Variants in MTHFD2L observed in about 807,000 individuals in gnomAD.
MTHFD2L encodes the protein bifunctional methylenetetrahydrofolate dehydrogenase/cyclohydrolase 2, mitochondrial.
A neutral mutation model predicts 34.9 loss-of-function variants in MTHFD2L; 29 were observed. The ratio of observed to expected loss-of-function variants is 0.83; its 90% CI spans 0.62 to 1.13. MTHFD2L has a LOEUF of 1.13. MTHFD2L is among the 50% of genes most tolerant of loss of function. The pLI, the probability that MTHFD2L is intolerant of heterozygous loss-of-function variation, is 0.00. For synonymous variants in MTHFD2L, 167 were observed against 155.7 expected, an observed-to-expected ratio of 1.07 and a Z score of -0.54; for missense variants, 481 against 446.5, an observed-to-expected ratio of 1.08 and a Z score of -0.70.
At chr4:74,290,865 A>C (rs980151330) in intron 7 of MTHFD2L, among the ~76,000 whole-genome samples, 1 of 150,196 alleles carries the variant, frequency 6.7e-6, no homozygotes, top group South Asian at 2.1e-4. Flanking sequence ...TCTTCTCCTG[A>C]CTCTCCTTAC....
chr4:74,197,244 C>G (rs759678768), intron 3 of MTHFD2L, among the ~76,000 whole-genome samples: 70 of 152,266 alleles, frequency 4.6e-4, no homozygotes, highest in Middle Eastern at 3.4e-3. Context: ...AAAATTGATG[C>G]TATTAAGTCT....
intron 7 of MTHFD2L, among the ~76,000 whole-genome samples, chr4:74,300,211 T>C (rs183581427): frequency 8.5e-5 from 13 of 152,152 alleles, no homozygotes; most frequent in Admixed American, 6.6e-4. Flanking sequence ...TATATTTTCT[T>C]TATAGCATCC....
At chr4:74,134,082 T>C (rs983904840) in intron 1 of MTHFD2L, among the ~76,000 whole-genome samples, 1 of 152,062 alleles carries the variant, frequency 6.6e-6, no homozygotes, top group Non-Finnish European at 1.5e-5. Context: ...AAACGTGAAA[T>C]TGAGATTGTC....
At chr4:74,183,063 A>G (rs1730488959) in intron 3 of MTHFD2L, 1 of 152,182 alleles carries the variant, frequency 6.6e-6, no homozygotes, top group Admixed American at 6.5e-5. Context: ...AGAACACCAT[A>G]ATCAAATTAT....
At chr4:74,278,873 A>C (rs1747046780) in intron 6 of MTHFD2L, among the ~76,000 whole-genome samples, 7 of 152,108 alleles carry the variant, frequency 4.6e-5, no homozygotes, top group Admixed American at 4.6e-4. Flanking sequence ...TTATTCATTA[A>C]AAATTTGAAC....
upstream of MTHFD2L, among the ~76,000 whole-genome samples, chr4:74,154,315 T>C (rs2109865655): frequency 6.6e-6 from 1 of 152,236 alleles, no homozygotes; most frequent in Non-Finnish European, 1.5e-5. Flanking sequence ...TACTCTCTTT[T>C]CCCATTTTCT....
intron 5 of MTHFD2L, among the ~76,000 whole-genome samples, chr4:74,213,248 G>T (rs565921408): frequency 3.3e-4 from 50 of 152,264 alleles, no homozygotes; most frequent in African/African-American, 9.1e-4. Flanking sequence ...TATGATGCTA[G>T]CTGGTTATTT....
At chr4:74,133,889 A>G (rs1722724492) in intron 1 of MTHFD2L, among the ~76,000 whole-genome samples, 1 of 152,090 alleles carries the variant, frequency 6.6e-6, no homozygotes. Flanking sequence ...CAAGATCTTC[A>G]CCAGCAGCAA....
intron 1 of MTHFD2L, among the ~76,000 whole-genome samples, chr4:74,127,397 C>T (rs1256655485): frequency 6.6e-6 from 1 of 152,078 alleles, no homozygotes; most frequent in African/African-American, 2.4e-5. Flanking sequence ...TCTGTTCTTC[C>T]TCCTCACTTC....
chr4:74,243,696 C>T (rs1742020852), intron 6 of MTHFD2L, among the ~76,000 whole-genome samples: 1 of 151,670 alleles, frequency 6.6e-6, no homozygotes, highest in South Asian at 2.1e-4. Context: ...TTGTTTGGTC[C>T]TTACATCACA....
chr4:74,139,634 T>A (rs1298843150), intron 1 of MTHFD2L, among the ~76,000 whole-genome samples: 1 of 152,164 alleles, frequency 6.6e-6, no homozygotes, highest in Non-Finnish European at 1.5e-5. Flanking sequence ...AATGGAAACT[T>A]GAGTCTCTTA....
chr4:74,247,452 C>T (rs1742639976), intron 6 of MTHFD2L, among the ~76,000 whole-genome samples: 1 of 151,932 alleles, frequency 6.6e-6, no homozygotes, highest in Non-Finnish European at 1.5e-5. Flanking sequence ...TCCTCTTTTC[C>T]TAATTGAATG....
At chr4:74,121,054 T>A (rs377199073), upstream of MTHFD2L, among the ~76,000 whole-genome samples, 1 of 152,202 alleles carries the variant, frequency 6.6e-6, no homozygotes, top group Non-Finnish European at 1.5e-5. Context: ...TTTGACATGT[T>A]CCAAAATTAG....
chr4:74,131,875 A>T (rs1010266883), intron 1 of MTHFD2L, among the ~76,000 whole-genome samples: 1 of 152,236 alleles, frequency 6.6e-6, no homozygotes, highest in Non-Finnish European at 1.5e-5. Context: ...AAGAACTTAA[A>T]CAAATTTACA....
At chr4:74,123,475 TC>T (rs1388696212), upstream of MTHFD2L, 2 of 152,080 alleles carry the variant, frequency 1.3e-5, no homozygotes, top group African/African-American at 4.8e-5. Context: ...AATATGATTC[TC>T]CGAAAGCAAG....
In MTHFD2L at chr4:74,201,290, T is replaced by G; in HGVS notation, c.632T>G (p.Val211Gly). The G allele has an allele frequency of 2.5e-6, 4 of 1,613,640 alleles. No homozygotes were observed. Among genetic ancestry groups the G allele is most frequent in the Non-Finnish European group, 3.4e-6 (4 of 1,179,754 alleles). The change falls in exon 5 of 8, where the codon GTT becomes GGT. Residue 211 changes from valine (V) to glycine (G), a missense_variant. Coordinates refer to ENST00000325278, the MANE Select transcript of MTHFD2L (RefSeq NM_001144978.3). ...ATTCAAACATTTGGAAAAAATGTGG[T>G]TGTGGCTGGAAGATCCAAGAACGTA... ...TGIQTFGKNV[V>G]VAGRSKNVGM...
intron 1 of MTHFD2L, among the ~76,000 whole-genome samples, chr4:74,170,718 T>C (rs1560440107): frequency 6.6e-6 from 1 of 151,604 alleles, no homozygotes; most frequent in Non-Finnish European, 1.5e-5. Context: ...CAAAGAACTT[T>C]AAAAAAACCC....
intron 1 of MTHFD2L, among the ~76,000 whole-genome samples, chr4:74,148,340 C>A: frequency 6.8e-6 from 1 of 148,068 alleles, no homozygotes; most frequent in East Asian, 2.0e-4. Context: ...TTGCCTTTTC[C>A]CACACATTTT....
chr4:74,139,786 CT>C (rs1453329633), intron 1 of MTHFD2L, among the ~76,000 whole-genome samples: 2 of 152,086 alleles, frequency 1.3e-5, no homozygotes, highest in African/African-American at 4.8e-5. Context: ...TTTAATTTTC[CT>C]TTGGGTCAAA....
Sources: allele counts gnomAD v4.1 joint callset (sites outside exome capture counted in the v4.1 genomes callset), GRCh38; gene constraint gnomAD v4.1.1; transcripts MANE v1.5; gene names NCBI Gene and HGNC (gene_info 2026-07-23, HGNC 2026-07-21).